TNKS2: variants seen among roughly 807,000 people sequenced by gnomAD.
TNKS2 encodes poly [ADP-ribose] polymerase tankyrase-2.
A neutral mutation model predicts 137.6 loss-of-function variants in TNKS2; 72 were observed. That is an observed-to-expected ratio of 0.52 (90% confidence interval 0.43 to 0.64). The LOEUF (loss-of-function observed/expected upper bound fraction) is 0.64, where lower values mean the gene tolerates loss of function less well. Ranked by LOEUF, TNKS2 falls within the 30% of genes least tolerant of loss-of-function variation. TNKS2 has a pLI of 0.00. For missense variants in TNKS2, 1,049 were observed against 1,410.2 expected, an observed-to-expected ratio of 0.74 and a Z score of 4.10; for synonymous variants, 516 against 512.1, an observed-to-expected ratio of 1.01 and a Z score of -0.10.
chr10:91,830,900 A>G, intron 9 of TNKS2, 23 bp from the exon 10 acceptor site: 1 of 1,564,150 alleles, frequency 6.4e-7, no homozygotes, highest in Non-Finnish European at 8.7e-7. Flanking sequence ...TCCTTGATTA[A>G]TGCTGCAATT....
intron 13 of TNKS2, among the ~76,000 whole-genome samples, chr10:91,838,003 A>C (rs1842082300): frequency 6.7e-6 from 1 of 149,970 alleles, no homozygotes; most frequent in African/African-American, 2.4e-5. Flanking sequence ...TTTTTTCAGG[A>C]AACATGAAAA....
At chr10:91,810,701 G>C (rs1433563472) in intron 1 of TNKS2, among the ~76,000 whole-genome samples, 2 of 150,358 alleles carry the variant, frequency 1.3e-5, no homozygotes, top group Admixed American at 6.6e-5. Flanking sequence ...GTAGAGACAG[G>C]GTTTCACCAT....
intron 2 of TNKS2, among the ~76,000 whole-genome samples, chr10:91,815,946 C>CTA (rs1356236504): frequency 3.1e-5 from 3 of 95,438 alleles, no homozygotes; most frequent in Non-Finnish European, 5.8e-5. Flanking sequence ...ACAAGACTTT[C>CTA]TCTTTTTTTT....
At chr10:91,841,206 C>T in intron 14 of TNKS2, 77 bp from the exon 15 acceptor site, 1 of 1,234,284 alleles carries the variant, frequency 8.1e-7, no homozygotes, top group Non-Finnish European at 1.1e-6. Flanking sequence ...CAAGAATTAT[C>T]TTTCATCAGT....
intron 2 of TNKS2, among the ~76,000 whole-genome samples, chr10:91,814,843 A>G (rs1844628739): frequency 6.6e-6 from 1 of 152,174 alleles, no homozygotes; most frequent in Non-Finnish European, 1.5e-5. Context: ...CTACCAATGC[A>G]TTTCTCAGAG....
chr10:91,852,232 AAAAT>A (rs925569735), intron 21 of TNKS2, among the ~76,000 whole-genome samples: 7 of 150,608 alleles, frequency 4.6e-5, no homozygotes, highest in African/African-American at 1.2e-4. Context: ...CATCTCAAAA[AAAAT>A]AAATAAATAA....
At chr10:91,807,465 A>C (rs1465469628) in intron 1 of TNKS2, 2 of 1,605,394 alleles carry the variant, frequency 1.2e-6, no homozygotes, top group Non-Finnish European at 1.7e-6. Flanking sequence ...AAAAGTAAAG[A>C]GAAGCAAGGC....
chr10:91,847,737 A>G (rs1015072217), intron 18 of TNKS2, among the ~76,000 whole-genome samples: 1 of 152,244 alleles, frequency 6.6e-6, no homozygotes, highest in Non-Finnish European at 1.5e-5. Flanking sequence ...GAACAAATAC[A>G]TTGCTGAATA....
At chr10:91,799,029 G>A in intron 1 of TNKS2, 140 bp downstream of exon 1, 4 of 1,218,174 alleles carry the variant, frequency 3.3e-6, no homozygotes, top group Non-Finnish European at 4.1e-6. Flanking sequence ...TCTTCCAGTG[G>A]GGACTAAGGA....
intron 6 of TNKS2, 125 bp downstream of exon 6, chr10:91,820,158 T>C (rs768117321): frequency 1.6e-5 from 9 of 572,590 alleles, no homozygotes; most frequent in Non-Finnish European, 1.9e-5. Context: ...TTTTACAATG[T>C]ACAGGTTGCT....
rs11186705 is a variant in TNKS2 at position 91,835,048 on chromosome 10, G to A, written c.1447+1024G>A. 6.8e-3 allele frequency among the ~76,000 whole-genome samples: 1,039 copies of A among 152,208 alleles called. 88 individuals are homozygous for A. In the East Asian group the frequency reaches 0.18, roughly 27 times the overall value. ...ACAGTCAGAATATATGAAAGCACCT[G>A]TTTTCTGTCAGCACTAGATGTTACA... is the stretch of plus-strand genomic sequence containing the variant. On this transcript the variant is annotated intron_variant, in intron 12 of 26. Coordinates refer to ENST00000371627, the MANE Select transcript of TNKS2 (RefSeq NM_025235.4).
chr10:91,798,592 A>T lies in TNKS2; in HGVS notation c.-99A>T. 18 of 1,189,778 alleles carry T rather than the reference A, an allele frequency of 1.5e-5. No homozygotes were observed. The highest frequency in any genetic ancestry group is 1.9e-5 in the Non-Finnish European group (18 of 958,606). 73.7% of individuals were successfully genotyped at this position (1,189,778 alleles called of 1,614,324 possible). On this transcript the variant is annotated 5_prime_UTR_variant, in exon 1 of 27. Transcript: ENST00000371627. The stretch of plus-strand genomic sequence containing the variant: ...AGGGAGCCAAGCGGCCCGGGCCCTG[A>T]GCGCGTCTTCTCCGGGGGGCCTCGC...
At position 91,837,652 on chromosome 10, in the gene TNKS2, G is replaced by C. The variant is rs959666898; in HGVS notation, c.1527+654G>C. 5.9e-5 allele frequency among the ~76,000 whole-genome samples: 9 copies of C among 152,180 alleles called. No homozygotes were observed. In the East Asian group the frequency reaches 1.7e-3, roughly 29 times the overall value. On this transcript the variant is annotated intron_variant, in intron 13 of 26. Transcript: ENST00000371627. ...AGGCGGGTGGATCACCTGAGGTTAG[G>C]AGTTTCAGACCAGCCTGGCCAACAT...
In TNKS2 at chr10:91,857,455, G is replaced by A. The variant is rs1206664295; in HGVS notation, c.3019G>A (p.Glu1007Lys). 1.2e-6 allele frequency: 2 copies of A among 1,608,722 alleles called. No homozygotes were observed. Among genetic ancestry groups the A allele is most frequent in the Non-Finnish European group, 1.7e-6 (2 of 1,176,856 alleles). The change falls in exon 24 of 27, where the codon GAA (glutamate) becomes AAA (lysine). Residue 1007 changes from glutamate to lysine, a missense_variant. Transcript: ENST00000371627. The part of the protein sequence containing the change: ...IQKVCNKKLW[E>K]RYTHRRKEVS... The stretch of plus-strand genomic sequence containing the variant: ...GAAGGTTTGTAACAAGAAACTATGG[G>A]AAAGATACACTCACCGGAGAAAAGA...
At position 91,859,547 on chromosome 10, in the gene TNKS2, T is replaced by G; in HGVS notation, c.3180T>G (p.Tyr1060Ter). 1.9e-6 allele frequency: 3 copies of G among 1,614,100 alleles called. No homozygotes were observed. The highest frequency in any genetic ancestry group is 2.5e-6 in the Non-Finnish European group (3 of 1,179,976). Reference sequence around the variant, plus strand: ...GTGGTATGTTTGGAGCTGGCATTTATTTTGCTGAAAACTCTTCCAAAAGCA... The same window carrying G: ...GTGGTATGTTTGGAGCTGGCATTTAGTTTGCTGAAAACTCTTCCAAAAGCA... ...YIGGMFGAGI[Y>*]FAENSSKSNQ... Residue 1060 changes from tyrosine to a stop codon, truncating the protein, a stop_gained, in exon 25 of 27, where the codon TAT (tyrosine) becomes TAG (stop). Coordinates refer to ENST00000371627, the MANE Select transcript of TNKS2 (RefSeq NM_025235.4). LOFTEE classifies it high-confidence loss of function.
At chr10:91,862,252 T>C (rs1214368805) in intron 26 of TNKS2, 97 bp downstream of exon 26, 1 of 1,007,718 alleles carries the variant, frequency 9.9e-7, no homozygotes, top group Non-Finnish European at 1.3e-6. Context: ...TTGCCTTAAC[T>C]GGATTTTTTA....
At position 91,862,979 on chromosome 10, in the gene TNKS2, G is replaced by A. The variant is rs1319092132; in HGVS notation, c.3481G>A (p.Glu1161Lys). 1.2e-6 allele frequency: 2 copies of A among 1,606,296 alleles called. No individual in the cohort carries two copies. Among genetic ancestry groups the A allele is most frequent in the Non-Finnish European group, 1.7e-6 (2 of 1,174,782 alleles). The change falls in exon 27 of 27, where the codon GAA becomes AAA. Residue 1161 changes from glutamate (E) to lysine (K), a missense_variant. By Grantham distance (56) the Glu-to-Lys change is moderately conservative. This residue lies in a region of TNKS2 where 133 missense variants were observed against 248.4 expected (regional missense o/e 0.54). Transcript: ENST00000371627. ...YLITYQIMRP[E>K]GMVDG The stretch of plus-strand genomic sequence containing the variant: ...AATTACTTACCAGATTATGAGGCCT[G>A]AAGGTATGGTCGATGGATAAATAGT...
At chr10:91,817,083 C>T in intron 2 of TNKS2, 51 bp from the exon 3 acceptor site, 1 of 1,297,332 alleles carries the variant, frequency 7.7e-7, no homozygotes, top group Non-Finnish European at 1.1e-6. Context: ...TTACTAAAAT[C>T]AAGTTGTTAA....
In TNKS2 at chr10:91,864,805, A is replaced by G. The variant is rs1842936064; in HGVS notation, c.*1806A>G. 6.6e-6 allele frequency: 1 copy of G among 152,628 alleles called. No homozygotes were observed. The highest frequency in any genetic ancestry group is 2.1e-4 in the South Asian group (1 of 4,832). 9.5% of individuals were successfully genotyped at this position (152,628 alleles called of 1,614,324 possible). ...CTAAGCTTCCAGGTTTTATAATTAG[A>G]AGATAATGAGAGAATTAATGGGGTT... On this transcript the variant is annotated 3_prime_UTR_variant, in exon 27 of 27. Transcript: ENST00000371627.
Sources: gnomAD v4.1 joint callset for allele counts (sites outside exome capture counted in the v4.1 genomes callset) on GRCh38, gnomAD v4.1.1 for gene constraint, gnomAD v4.1.1 regional missense constraint, MANE v1.5 for transcripts, NCBI Gene and HGNC (gene_info 2026-07-23, HGNC 2026-07-21) for gene names.